The following MGAM2 variants were observed in gnomAD, a reference collection of about 807,000 sequenced individuals.
MGAM2 encodes the protein probable maltase-glucoamylase 2.
A neutral mutation model predicts 96.1 loss-of-function variants in MGAM2; 98 were observed. The ratio of observed to expected loss-of-function variants is 1.02; its 90% CI spans 0.87 to 1.21. MGAM2 has a LOEUF of 1.21. MGAM2 is among the 50% of genes most tolerant of loss of function. The pLI is 0.00. For synonymous variants in MGAM2, 749 were observed against 414.8 expected, an observed-to-expected ratio of 1.81 and a Z score of -9.79; for missense variants, 2,055 against 1,182.4, an observed-to-expected ratio of 1.74 and a Z score of -10.82.
At position 142,131,921 on chromosome 7, in the gene MGAM2, C is replaced by A. The variant is rs987238060; in HGVS notation, c.421-10C>A. On this transcript the variant is annotated splice_polypyrimidine_tract_variant and intron_variant, in intron 5 of 47. Coordinates refer to ENST00000477922, the MANE Select transcript of MGAM2 (RefSeq NM_001293626.2). ...ATCTGCAGTTGTCCCTTCTGTTTTTCTTTTGACAGATCACTGACTTTAATA... is the reference window on the plus strand; with the variant it reads ...ATCTGCAGTTGTCCCTTCTGTTTTTATTTTGACAGATCACTGACTTTAATA... 4.3e-6 allele frequency: 3 copies of A among 698,584 alleles called. No homozygotes were observed. The Admixed American group carries it at 6.1e-5, about 14-fold the overall frequency. The allele number at this position is 698,584 out of a possible 1,614,324, so 43.3% of individuals were successfully genotyped here.
At position 142,215,632 on chromosome 7, in the gene MGAM2, C is replaced by T. The variant is rs148643710; in HGVS notation, c.5188-2729C>T. On this transcript the variant is annotated intron_variant, in intron 46 of 47. Transcript: ENST00000477922. ...CAAAAATTAGGCGTGGTGGCGCATG[C>T]CTGTAATCCCCACTACTTGGGAGGC... 9.6e-3 allele frequency among the ~76,000 whole-genome samples: 1,452 copies of T among 151,866 alleles called. 23 individuals carry two copies. The highest frequency in any genetic ancestry group is 0.033 in the African/African-American group (1,376 of 41,410).
chr7:142,129,809 G>C, intron 3 of MGAM2, among the ~76,000 whole-genome samples: 1 of 40,270 alleles, frequency 2.5e-5, no homozygotes. Context: ...TGGGCAACAA[G>C]AACAAAACTC....
rs1436627561 is a variant in MGAM2, at chr7:142,173,373, G to C, written c.3687+19G>C. On this transcript the variant is annotated intron_variant, in intron 31 of 47. Transcript: ENST00000477922. ...TCCCTATGTATGAAACCCTCACTCA[G>C]CCCAAGGTGTAATTAGTTACAGGAA... The C allele has an allele frequency of 1.4e-6, 1 of 700,588 alleles. No homozygotes were observed. The highest frequency in any genetic ancestry group is 2.6e-6 in the Non-Finnish European group (1 of 383,348). The allele number at this position is 700,588 out of a possible 1,614,324, so 43.4% of individuals were successfully genotyped here. A position where few individuals can be genotyped will look rare whatever the true frequency, so the allele number is the denominator to read the frequency against.
At chr7:142,146,672 G>A (rs1054498639) in intron 14 of MGAM2, among the ~76,000 whole-genome samples, 1 of 152,090 alleles carries the variant, frequency 6.6e-6, no homozygotes, top group Non-Finnish European at 1.5e-5. Context: ...TCAGAGGTAG[G>A]ATTTGAGTAC....
chr7:142,183,832 G>A (rs148319403), intron 33 of MGAM2, among the ~76,000 whole-genome samples: 50 of 151,254 alleles, frequency 3.3e-4, no homozygotes, highest in Middle Eastern at 3.5e-3. Flanking sequence ...TTATATGTCT[G>A]ATTTTTGGCA....
At chr7:142,185,777 G>C (rs1228854785) in intron 34 of MGAM2, among the ~76,000 whole-genome samples, 4 of 152,168 alleles carry the variant, frequency 2.6e-5, no homozygotes, top group Non-Finnish European at 5.9e-5. Context: ...ATTTGAAAGG[G>C]ATTATAAAGC....
chr7:142,156,610 G>A (rs775907239), intron 17 of MGAM2, among the ~76,000 whole-genome samples: 94 of 152,174 alleles, frequency 6.2e-4, no homozygotes, highest in Non-Finnish European at 1.2e-3. Flanking sequence ...ACAGCTCTGG[G>A]CTTTTGTCAG....
chr7:142,165,807 T>C (rs1796011603), intron 24 of MGAM2, among the ~76,000 whole-genome samples: 1 of 152,208 alleles, frequency 6.6e-6, no homozygotes, highest in South Asian at 2.1e-4. Context: ...ATTACTACTT[T>C]TATTAAATTG....
chr7:142,203,874 C>T lies in MGAM2; in HGVS notation c.5137+3906C>T, dbSNP rs534238605. On this transcript the variant is annotated intron_variant, in intron 45 of 47. Transcript: ENST00000477922. ...ATGGATTGAAGATTTAAATGTAAGA[C>T]CTCAAACTATAAAAATCCTAGAAGG... Among the ~76,000 whole-genome samples the T allele has an allele frequency of 7.0e-4, 107 of 152,196 alleles. 1 individual carries two copies. The highest frequency in any genetic ancestry group is 2.5e-3 in the African/African-American group (103 of 41,558).
At chr7:142,128,330 A>G (rs1563249523) in intron 3 of MGAM2, among the ~76,000 whole-genome samples, 1 of 152,184 alleles carries the variant, frequency 6.6e-6, no homozygotes, top group Non-Finnish European at 1.5e-5. Context: ...AGTTCAGAAA[A>G]TTTGCAGCCT....
intron 1 of MGAM2, among the ~76,000 whole-genome samples, chr7:142,115,301 G>A (rs1817350402): frequency 6.6e-6 from 1 of 152,256 alleles, no homozygotes; most frequent in Non-Finnish European, 1.5e-5. Flanking sequence ...GTTTATTTAG[G>A]AGATTATGAG....
chr7:142,147,626 G>A (rs1795427835), intron 15 of MGAM2, 53 bp downstream of exon 15: 2 of 660,950 alleles, frequency 3.0e-6, no homozygotes, highest in Non-Finnish European at 5.4e-6. Context: ...GGGAGGTGGA[G>A]GTGGAGGTTT....
At chr7:142,188,216 A>G (rs930100952) in intron 36 of MGAM2, among the ~76,000 whole-genome samples, 3 of 151,806 alleles carry the variant, frequency 2.0e-5, no homozygotes, top group Admixed American at 2.0e-4. Flanking sequence ...TGCCCATGTA[A>G]ACAGACATTT....
intron 36 of MGAM2, among the ~76,000 whole-genome samples, chr7:142,188,684 A>G (rs1405874460): frequency 5.9e-5 from 9 of 152,226 alleles, no homozygotes; most frequent in Admixed American, 4.6e-4. Flanking sequence ...AGAAAGTGAC[A>G]TGCATTCAGT....
intron 3 of MGAM2, among the ~76,000 whole-genome samples, chr7:142,122,529 T>G (rs754702106): frequency 4.6e-5 from 7 of 152,226 alleles, no homozygotes; most frequent in Non-Finnish European, 8.8e-5. Context: ...TTATTCCGAC[T>G]TGTACCCCTT....
At position 142,154,055 on chromosome 7, in the gene MGAM2, A is replaced by C. The variant is rs1226466424; in HGVS notation, c.1672A>C (p.Ile558Leu). The C allele has an allele frequency of 2.9e-6, 2 of 693,980 alleles. No individual in the cohort carries two copies. The highest frequency in any genetic ancestry group is 4.0e-5 in the Admixed American group (2 of 49,874). The allele number at this position is 693,980 out of a possible 1,614,324, so 43.0% of individuals were successfully genotyped here. A position where few individuals can be genotyped will look rare whatever the true frequency, so the allele number is the denominator to read the frequency against. The change falls in exon 16 of 48, where the codon ATC becomes CTC. Residue 558 changes from isoleucine (I) to leucine (L), a missense_variant. Ile to Leu is a conservative substitution (Grantham distance 5). Coordinates refer to ENST00000477922, the MANE Select transcript of MGAM2 (RefSeq NM_001293626.2). ...ETIFMNNRSF[I>L]LSRSTFAGSG... is the part of the protein sequence containing the mutation. ...CATCTTCATGAATAATAGGAGCTTCATCTTATCCCGTTCTACTTTTGCTGG... is the reference window on the plus strand; with the variant it reads ...CATCTTCATGAATAATAGGAGCTTCCTCTTATCCCGTTCTACTTTTGCTGG...
At chr7:142,181,599 G>A (rs1168779666) in intron 32 of MGAM2, among the ~76,000 whole-genome samples, 1 of 152,158 alleles carries the variant, frequency 6.6e-6, no homozygotes, top group Non-Finnish European at 1.5e-5. Flanking sequence ...TGTTTCCTTA[G>A]CCCCAAGGGC....
At chr7:142,191,133 A>G (rs1585202767) in intron 37 of MGAM2, among the ~76,000 whole-genome samples, 2 of 59,992 alleles carry the variant, frequency 3.3e-5, no homozygotes, top group Admixed American at 3.3e-4. Flanking sequence ...CTATCTCTAC[A>G]GAAAAAAAAA....
chr7:142,118,123 T>A, intron 2 of MGAM2, among the ~76,000 whole-genome samples: 1 of 152,190 alleles, frequency 6.6e-6, no homozygotes, highest in East Asian at 1.9e-4. Context: ...AACTTATTCA[T>A]CTCGCATAAC....
Sources: gnomAD v4.1 joint callset for allele counts (sites outside exome capture counted in the v4.1 genomes callset) on GRCh38, gnomAD v4.1.1 for gene constraint, MANE v1.5 for transcripts, NCBI Gene and HGNC (gene_info 2026-07-23, HGNC 2026-07-21) for gene names.